The following KIF1B variants were observed in gnomAD, a reference collection of about 807,000 sequenced individuals.
KIF1B encodes kinesin-like protein KIF1B.
In KIF1B, 76 loss-of-function variants were observed where a neutral mutation model predicts 241.9. The observed-to-expected ratio is 0.31, with a 90% CI of 0.26 to 0.38. The LOEUF (loss-of-function observed/expected upper bound fraction) is 0.38, where lower values mean the gene tolerates loss of function less well. Among genes scored for constraint, KIF1B ranks in the 10% least tolerant of loss-of-function variants. The pLI, the probability that KIF1B is intolerant of heterozygous loss-of-function variation, is 1.00. For synonymous variants in KIF1B, 750 were observed against 796.7 expected (o/e 0.94, Z 0.99); for missense variants, 1,622 against 2,271.4 (o/e 0.71, Z 5.81).
chr1:10,260,335 C>G (rs1648059600), intron 4 of KIF1B, among the ~76,000 whole-genome samples: 1 of 152,118 alleles, frequency 6.6e-6, no homozygotes, highest in Non-Finnish European at 1.5e-5. Context: ...GCTTGCAGGG[C>G]TGGAAGTTGC....
At chr1:10,259,593 C>T (rs994079527) in intron 4 of KIF1B, among the ~76,000 whole-genome samples, 1 of 151,778 alleles carries the variant, frequency 6.6e-6, no homozygotes, top group African/African-American at 2.4e-5. Context: ...ACCTCCGCCT[C>T]CTGGGTTCAA....
At chr1:10,241,899 G>C (rs1647142337) in intron 2 of KIF1B, among the ~76,000 whole-genome samples, 1 of 152,156 alleles carries the variant, frequency 6.6e-6, no homozygotes, top group Non-Finnish European at 1.5e-5. Flanking sequence ...GCAAAGTCTG[G>C]AATGCAGTTC....
At chr1:10,328,813 C>T (rs1347024397) in intron 27 of KIF1B, among the ~76,000 whole-genome samples, 1 of 152,206 alleles carries the variant, frequency 6.6e-6, no homozygotes. Context: ...TGACAAGCAA[C>T]TTAAAGTGAA....
chr1:10,216,875 C>T (rs1397871687), intron 1 of KIF1B, among the ~76,000 whole-genome samples: 1 of 149,032 alleles, frequency 6.7e-6, no homozygotes, highest in Non-Finnish European at 1.5e-5. Context: ...GTCTTGGCCT[C>T]TGTTAGGGAT....
intron 22 of KIF1B, among the ~76,000 whole-genome samples, chr1:10,317,199 T>TA (rs1003703428): frequency 6.6e-6 from 1 of 151,662 alleles, no homozygotes; most frequent in Admixed American, 6.6e-5. Context: ...AGCTAGCTTT[T>TA]AAAAAATTTT....
At position 10,321,808 on chromosome 1, in the gene KIF1B, C is replaced by T; in HGVS notation, c.2309C>T (p.Ala770Val). ...TTACGGGACTTACTCTGGGGCAATGCCGTGTACCTAAAGGAGGCCAATGCC... is the reference window on the plus strand; with the variant it reads ...TTACGGGACTTACTCTGGGGCAATGTCGTGTACCTAAAGGAGGCCAATGCC... Reference protein sequence around the residue: ...TSLRDLLWGNAVYLKEANAIS... With the variant: ...TSLRDLLWGNVVYLKEANAIS... Residue 770 changes from alanine (A) to valine (V), a missense_variant, in exon 24 of 49, where the codon GCC becomes GTC. Ala to Val is a moderately conservative substitution (Grantham distance 64). Coordinates refer to ENST00000676179, the MANE Select transcript of KIF1B (RefSeq NM_001365951.3). 1 of 1,614,146 alleles carries T rather than the reference C, an allele frequency of 6.2e-7. No homozygotes were observed. The highest frequency in any genetic ancestry group is 1.1e-5 in the South Asian group (1 of 91,082).
intron 35 of KIF1B, 115 bp from the exon 36 acceptor site, chr1:10,347,646 C>A: frequency 1.2e-6 from 1 of 826,768 alleles, no homozygotes; most frequent in African/African-American, 1.7e-5. Context: ...TGATTAAATG[C>A]CAGCATGGGT....
rs1219865511 is a variant in KIF1B at position 10,365,732 on chromosome 1, T to C, written c.4752+84T>C. ...TCGGTTTATTCATTTTCAACACCTT[T>C]GTTCGAGGTGTTTGAAGGCCTGTGA... On this transcript the variant is annotated intron_variant, in intron 43 of 48. Transcript: ENST00000676179. This position sits in a 1 kb window ranked among gnomAD's most constrained non-coding sequence, Gnocchi z 4.0. The C allele has an allele frequency of 6.4e-7, 1 of 1,563,748 alleles. No homozygotes were observed. The highest frequency in any genetic ancestry group is 1.4e-5 in the African/African-American group (1 of 74,072).
intron 23 of KIF1B, 58 bp from the exon 24 acceptor site, chr1:10,321,651 G>A (rs981084154): frequency 1.9e-6 from 3 of 1,542,354 alleles, no homozygotes; most frequent in Non-Finnish European, 2.7e-6. Flanking sequence ...TAGAAGAGAG[G>A]TGTAATTTTT....
intron 2 of KIF1B, among the ~76,000 whole-genome samples, chr1:10,254,746 G>A (rs1185071454): frequency 5.9e-5 from 9 of 151,480 alleles, no homozygotes; most frequent in Non-Finnish European, 1.2e-4. Flanking sequence ...GCGTGGTGGC[G>A]GGCGCCTGTA....
At chr1:10,272,562 T>G (rs1433669482) in intron 9 of KIF1B, 3 of 549,766 alleles carry the variant, frequency 5.5e-6, no homozygotes, top group Non-Finnish European at 9.8e-6. Flanking sequence ...TTTGACTCAT[T>G]TTTTTGAGCC....
chr1:10,331,400 C>T (rs1651916899), intron 27 of KIF1B, among the ~76,000 whole-genome samples: 1 of 152,186 alleles, frequency 6.6e-6, no homozygotes, highest in African/African-American at 2.4e-5. Context: ...ACCAGAGCTT[C>T]AACTCTCTGT....
Position 10,343,264 on chromosome 1 carries a change from C to T in KIF1B, c.3665C>T (p.Pro1222Leu). 1.2e-6 allele frequency: 2 copies of T among 1,614,208 alleles called. No homozygotes were observed. The highest frequency in any genetic ancestry group is 1.3e-5 in the African/African-American group (1 of 75,052). The change falls in exon 34 of 49, where the codon CCA becomes CTA. Residue 1222 changes from proline to leucine, a missense_variant. By Grantham distance (98) the Pro-to-Leu change is moderately conservative. Transcript: ENST00000676179. ...PPQPCRRFFP[P>L]PMPLSKPVPA... ...CAGCCGTGCCGCCGATTCTTCCCTC[C>T]ACCCATGCCACTGTCCAAGCCAGGT...
At chr1:10,319,914 GT>G (rs1651456293) in intron 22 of KIF1B, 128 bp from the exon 23 acceptor site, 1 of 674,248 alleles carries the variant, frequency 1.5e-6, no homozygotes, top group Non-Finnish European at 2.7e-6. Context: ...TTTTATTATT[GT>G]TTCCTGCCTT....
intron 12 of KIF1B, among the ~76,000 whole-genome samples, chr1:10,277,294 A>G (rs1649169827): frequency 6.6e-6 from 1 of 151,400 alleles, no homozygotes; most frequent in Non-Finnish European, 1.5e-5. Context: ...AAAAAAAAAA[A>G]GAAAAAAACA....
chr1:10,373,988 T>G lies in KIF1B; in HGVS notation c.4947-328T>G, dbSNP rs1294483540. 4.6e-5 allele frequency among the ~76,000 whole-genome samples: 7 copies of G among 152,308 alleles called. No homozygotes were observed. In the East Asian group the frequency reaches 1.4e-3, roughly 29 times the overall value. On this transcript the variant is annotated intron_variant, in intron 45 of 48. Transcript: ENST00000676179. Reference sequence around the variant, plus strand: ...AGAAACATCGCTTTTGGTGTGGCCATGGGACTAAAAAGAAACATATAAAGG... The same window carrying G: ...AGAAACATCGCTTTTGGTGTGGCCAGGGGACTAAAAAGAAACATATAAAGG...
intron 16 of KIF1B, 109 bp downstream of exon 16, chr1:10,291,270 A>C (rs1649982722): frequency 1.2e-6 from 1 of 826,954 alleles, no homozygotes; most frequent in African/African-American, 1.7e-5. Context: ...CTGCCCTTCT[A>C]AAACACAAAA....
chr1:10,340,233 AT>A (rs771743666), intron 32 of KIF1B, among the ~76,000 whole-genome samples: 2 of 152,240 alleles, frequency 1.3e-5, no homozygotes, highest in Non-Finnish European at 2.9e-5. Flanking sequence ...AACATAAAAA[AT>A]ATCAAATACC....
intron 13 of KIF1B, 25 bp downstream of exon 13, chr1:10,278,153 A>C: frequency 6.2e-7 from 1 of 1,610,556 alleles, no homozygotes; most frequent in Admixed American, 1.7e-5. Context: ...GATCGTTACA[A>C]AATCTAATCC....
Sources: gnomAD v4.1 joint callset for allele counts (sites outside exome capture counted in the v4.1 genomes callset) on GRCh38, gnomAD v4.1.1 for gene constraint, Gnocchi (gnomAD v3.1) non-coding constraint, MANE v1.5 for transcripts, NCBI Gene and HGNC (gene_info 2026-07-23, HGNC 2026-07-21) for gene names.